Variants in RAI1 observed in about 807,000 individuals in gnomAD.
RAI1 encodes the protein retinoic acid induced 1.
RAI1 carries 9 observed loss-of-function variants against 123.8 expected under a neutral mutation model. That is an observed-to-expected ratio of 0.07 (90% CI 0.04 to 0.13). The LOEUF (loss-of-function observed/expected upper bound fraction) is 0.13. RAI1 is among the 10% of genes least tolerant of loss of function. RAI1 has a pLI of 1.00. For synonymous variants in RAI1, 1,231 were observed against 1,127.3 expected (o/e 1.09, Z -1.84); for missense variants, 2,256 against 2,545.8 (o/e 0.89, Z 2.45).
rs2032404928 is a variant in RAI1 at position 17,800,176 on chromosome 17, CTCTG to C, written c.5565+1667_5565+1670del. On this transcript the variant is annotated intron_variant, in intron 3 of 5. Coordinates refer to ENST00000353383, the MANE Select transcript of RAI1 (RefSeq NM_030665.4). The surrounding 1 kb of genome is among the most constrained non-coding windows in gnomAD (Gnocchi z 4.7). ...TGCCTCTCTCCTGCTTTCTGTCTCT[CTCTG>C]TCTCTCTCTCTCTCTCTCTCTCTCT... 1.4e-5 allele frequency among the ~76,000 whole-genome samples: 1 copy of C among 70,464 alleles called. No homozygotes were observed. Among genetic ancestry groups the C allele is most frequent in the Non-Finnish European group, 2.7e-5 (1 of 36,578 alleles). The allele number at this position is 70,464 out of a possible 152,430, so 46.2% of individuals were successfully genotyped here.
rs557416720 is a variant in RAI1, at chr17:17,794,478, G to A, written c.1530G>A (p.Ala510=). Residue 510 remains alanine (A), a synonymous_variant, in exon 3 of 6, where the codon GCG becomes GCA. Transcript: ENST00000353383. The stretch of plus-strand genomic sequence containing the variant: ...GCAGCACGCCACAGTCCACGCATGC[G>A]GAGCCGCAGGAGGCCGACTACCTGA... ...PPSSTPQSTH[A]EPQEADYLSG... 25 of 1,611,956 alleles carry A rather than the reference G, an allele frequency of 1.6e-5. No individual in the cohort carries two copies. The highest frequency in any genetic ancestry group is 5.3e-5 in the African/African-American group (4 of 75,040).
chr17:17,771,145 C>G (rs1203245168), intron 2 of RAI1, among the ~76,000 whole-genome samples: 1 of 152,148 alleles, frequency 6.6e-6, no homozygotes, highest in African/African-American at 2.4e-5. Flanking sequence ...CTGACCCTGC[C>G]CAGGTGTCAT....
At chr17:17,696,264 T>C (rs940346607) in intron 1 of RAI1, among the ~76,000 whole-genome samples, 1 of 152,192 alleles carries the variant, frequency 6.6e-6, no homozygotes, top group East Asian at 1.9e-4. Flanking sequence ...TGTAAGGCAC[T>C]TGGTGGTTTT....
In RAI1 at chr17:17,796,218, C is replaced by T. The variant is rs398124416; in HGVS notation, c.3270C>T (p.Ala1090=). 14 of 1,560,522 alleles carry T rather than the reference C, an allele frequency of 9.0e-6. No individual in the cohort carries two copies. The highest frequency in any genetic ancestry group is 6.8e-5 in the African/African-American group (5 of 73,338). The change falls in exon 3 of 6, where the codon GCC becomes GCT. Residue 1090 remains alanine (A), a synonymous_variant. Coordinates refer to ENST00000353383, the MANE Select transcript of RAI1 (RefSeq NM_030665.4). This position sits in a 1 kb window ranked among gnomAD's most constrained non-coding sequence, Gnocchi z 5.8. ...PPDKLGGKQR[A]AFKSGKRVGK... is the part of the protein sequence containing the mutation. ...ACAAACTGGGGGGCAAGCAGCGAGC[C>T]GCCTTCAAGTCGGGCAAGCGGGTGG...
At chr17:17,762,909 G>A (rs967315428) in intron 2 of RAI1, among the ~76,000 whole-genome samples, 2 of 151,988 alleles carry the variant, frequency 1.3e-5, no homozygotes, top group Non-Finnish European at 2.9e-5. Flanking sequence ...GGGCTGGCCC[G>A]ATGATTGGCA....
At chr17:17,721,769 A>T (rs1265067451) in intron 1 of RAI1, among the ~76,000 whole-genome samples, 3 of 152,336 alleles carry the variant, frequency 2.0e-5, no homozygotes, top group Middle Eastern at 6.8e-3. Context: ...CCCAAGACAG[A>T]TATTGAAGAC....
chr17:17,712,987 G>T (rs1030331735), intron 1 of RAI1, among the ~76,000 whole-genome samples: 4 of 151,834 alleles, frequency 2.6e-5, no homozygotes, highest in Non-Finnish European at 5.9e-5. Context: ...GGGGCTGGGG[G>T]TGGGGAAATG....
chr17:17,686,608 T>TGTGTGCGCGC lies in RAI1; in HGVS notation c.-149+4816_-149+4817insTGTGCGCGCG, dbSNP rs1491248703. ...GTGTGTGTGTGTGTGTGTGTGTGTG[T>TGTGTGCGCGC]GCACGCGCGCGCCGGGGAGGGGAGA... On this transcript the variant is annotated intron_variant, in intron 1 of 5. Transcript: ENST00000353383. Among the ~76,000 whole-genome samples the TGTGTGCGCGC allele has an allele frequency of 5.4e-3, 749 of 137,826 alleles. 4 individuals carry two copies. Among genetic ancestry groups the TGTGTGCGCGC allele is most frequent in the South Asian group, 0.014 (60 of 4,214 alleles). 90.4% of individuals were successfully genotyped at this position (137,826 alleles called of 152,430 possible). A position where few individuals can be genotyped will look rare whatever the true frequency, so the allele number is the denominator to read the frequency against.
chr17:17,735,976 G>GTGTGACAGTGGACTTGTTTGTGTATC (rs1167583522), intron 2 of RAI1, among the ~76,000 whole-genome samples: 79 of 152,318 alleles, frequency 5.2e-4, no homozygotes, highest in Non-Finnish European at 1.5e-4. Flanking sequence ...GGTGTGTGAT[G>GTGTGACAGTGGACTTGTTTGTGTATC]TGTGACAGTG....
chr17:17,741,356 C>A (rs1229673097), intron 2 of RAI1, among the ~76,000 whole-genome samples: 1 of 152,242 alleles, frequency 6.6e-6, no homozygotes, highest in African/African-American at 2.4e-5. Context: ...CGGGCTCGGC[C>A]ACCTTCCTGA....
intron 2 of RAI1, among the ~76,000 whole-genome samples, chr17:17,751,244 G>A (rs2030156962): frequency 6.6e-6 from 1 of 152,332 alleles, no homozygotes; most frequent in African/African-American, 2.4e-5. Flanking sequence ...CCGAGGAGGT[G>A]ACATTTGGTC....
At position 17,794,027 on chromosome 17, in the gene RAI1, C is replaced by T. The variant is rs774872996; in HGVS notation, c.1079C>T (p.Pro360Leu). ...CGCTCACCTTCCTACAGTTCCACAC[C>T]GTCGCCGCTGATGCCAAACCTGGAG... ...VGRSPSYSST[P>L]SPLMPNLENF... Residue 360 changes from proline (P) to leucine (L), a missense_variant, in exon 3 of 6, where the codon CCG (proline) becomes CTG (leucine). Around this residue, in one of 7 missense-constraint regions of RAI1, gnomAD observed 357 missense variants for 480.2 expected, o/e 0.74. Transcript: ENST00000353383. The T allele has an allele frequency of 1.1e-5, 18 of 1,613,838 alleles. No homozygotes were observed. The highest frequency in any genetic ancestry group is 6.7e-5 in the East Asian group (3 of 44,876).
rs747076646 is a variant in RAI1 at position 17,809,487 on chromosome 17, G to A, written c.5709+48G>A. ...AGGGCGAGGGGTGTCAAGCGGGAGAGGAGCCCCACCTCGCACCTCCTTCAC... is the reference window on the plus strand; with the variant it reads ...AGGGCGAGGGGTGTCAAGCGGGAGAAGAGCCCCACCTCGCACCTCCTTCAC... On this transcript the variant is annotated intron_variant, in intron 5 of 5. Transcript: ENST00000353383. This position sits in a 1 kb window ranked among gnomAD's most constrained non-coding sequence, Gnocchi z 4.9. The A allele has an allele frequency of 1.8e-5, 28 of 1,533,088 alleles. No homozygotes were observed. The highest frequency in any genetic ancestry group is 2.5e-5 in the Non-Finnish European group (28 of 1,107,818). 95.0% of individuals were successfully genotyped at this position (1,533,088 alleles called of 1,614,324 possible). A position where few individuals can be genotyped will look rare whatever the true frequency, so the allele number is the denominator to read the frequency against.
intron 1 of RAI1, among the ~76,000 whole-genome samples, chr17:17,710,725 C>A (rs1205682122): frequency 6.6e-6 from 1 of 152,258 alleles, no homozygotes; most frequent in Admixed American, 6.5e-5. Context: ...TGGAGACAGC[C>A]AGGGCACCCC....
In RAI1 at chr17:17,794,939, C is replaced by T. The variant is rs760813878; in HGVS notation, c.1991C>T (p.Pro664Leu). 19 of 1,613,578 alleles carry T rather than the reference C, an allele frequency of 1.2e-5. No individual in the cohort carries two copies. Among genetic ancestry groups the T allele is most frequent in the Admixed American group, 5.0e-5 (3 of 60,014 alleles). ...AKSAWPRPGE[P>L]EALPDSLQLD... ...AGTGCGTGGCCCCGGCCTGGGGAGC[C>T]GGAGGCCCTGCCCGACTCCTTGCAG... Residue 664 changes from proline (P) to leucine (L), a missense_variant, in exon 3 of 6, where the codon CCG (proline) becomes CTG (leucine). By Grantham distance (98) the Pro-to-Leu change is moderately conservative (BLOSUM62 -3). Transcript: ENST00000353383.
At chr17:17,767,698 C>T (rs1268178411) in intron 2 of RAI1, among the ~76,000 whole-genome samples, 1 of 152,240 alleles carries the variant, frequency 6.6e-6, no homozygotes, top group Non-Finnish European at 1.5e-5. Flanking sequence ...ATCGCCCTCC[C>T]TAAGCCTCAG....
intron 1 of RAI1, among the ~76,000 whole-genome samples, chr17:17,683,325 T>TCTCTTCCTGCCCCTGCCC (rs1319592376): frequency 5.3e-5 from 8 of 152,094 alleles, no homozygotes; most frequent in African/African-American, 1.9e-4. Flanking sequence ...GGGCTCTGCT[T>TCTCTTCCTGCCCCTGCCC]CTCTTCCTGC....
At chr17:17,736,552 C>T (rs1413913516) in intron 2 of RAI1, among the ~76,000 whole-genome samples, 2 of 152,184 alleles carry the variant, frequency 1.3e-5, no homozygotes, top group African/African-American at 2.4e-5. Flanking sequence ...GATGGAGAGA[C>T]CTTTCTGGAG....
At chr17:17,700,035 G>A (rs895819596) in intron 1 of RAI1, among the ~76,000 whole-genome samples, 2 of 152,204 alleles carry the variant, frequency 1.3e-5, no homozygotes, top group Admixed American at 6.5e-5. Context: ...GGGAGATTAA[G>A]TGAGAAAATT....
Sources: allele counts gnomAD v4.1 joint callset (sites outside exome capture counted in the v4.1 genomes callset), GRCh38; gene constraint gnomAD v4.1.1; regional missense constraint gnomAD v4.1.1; non-coding constraint Gnocchi (gnomAD v3.1); transcripts MANE v1.5; gene names NCBI Gene and HGNC (gene_info 2026-07-23, HGNC 2026-07-21).